The following GPC5 variants were observed in gnomAD, a reference collection of about 807,000 sequenced individuals.
The protein encoded by GPC5 is glypican 5, also known as glypican-5.
Under a neutral mutation model 53.9 loss-of-function variants are expected in GPC5, and 47 were observed. The ratio of observed to expected loss-of-function variants is 0.87; its 90% CI spans 0.69 to 1.11. GPC5 has a LOEUF of 1.11. Among genes scored for constraint, GPC5 ranks in the 50% most tolerant of loss-of-function variants. The pLI is 0.00. For missense variants in GPC5, 748 were observed against 713.1 expected (o/e 1.05, Z -0.56); for synonymous variants, 286 against 263.3 (o/e 1.09, Z -0.84).
At chr13:91,405,767 C>T (rs557540536) in intron 1 of GPC5, among the ~76,000 whole-genome samples, 9 of 152,188 alleles carry the variant, frequency 5.9e-5, no homozygotes, top group African/African-American at 2.2e-4. Context: ...CTCTTGTCAA[C>T]CTATTGAAAT....
chr13:92,504,356 G>T (rs951400693), intron 7 of GPC5, among the ~76,000 whole-genome samples: 13 of 151,900 alleles, frequency 8.6e-5, no homozygotes, highest in African/African-American at 3.1e-4. Context: ...TAAACAAATG[G>T]AGAGTTATCA....
chr13:92,529,734 A>G (rs1016233745), intron 7 of GPC5, among the ~76,000 whole-genome samples: 1 of 152,204 alleles, frequency 6.6e-6, no homozygotes, highest in Non-Finnish European at 1.5e-5. Flanking sequence ...AAATATTAAG[A>G]AAAATTATGA....
intron 6 of GPC5, among the ~76,000 whole-genome samples, chr13:92,114,794 A>G (rs1468613146): frequency 6.6e-6 from 1 of 152,204 alleles, no homozygotes; most frequent in Non-Finnish European, 1.5e-5. Flanking sequence ...TACATAAGCT[A>G]ACCAGGTTTC....
At chr13:91,609,877 T>G (rs2033494833) in intron 2 of GPC5, among the ~76,000 whole-genome samples, 1 of 152,218 alleles carries the variant, frequency 6.6e-6, no homozygotes, top group Non-Finnish European at 1.5e-5. Context: ...ACATTATCAG[T>G]ACATTCGGCC....
intron 7 of GPC5, among the ~76,000 whole-genome samples, chr13:92,312,488 T>TC (rs903031579): frequency 6.6e-5 from 10 of 152,224 alleles, no homozygotes; most frequent in Non-Finnish European, 1.3e-4. Context: ...AAGGCATTTA[T>TC]TTTCATTTCA....
At chr13:91,928,592 G>T (rs2039791846) in intron 6 of GPC5, among the ~76,000 whole-genome samples, 1 of 152,086 alleles carries the variant, frequency 6.6e-6, no homozygotes, top group Non-Finnish European at 1.5e-5. Flanking sequence ...GCTTAACTGT[G>T]CCCAGGGCTT....
intron 6 of GPC5, among the ~76,000 whole-genome samples, chr13:92,141,979 C>T (rs2041834925): frequency 6.6e-6 from 1 of 152,120 alleles, no homozygotes; most frequent in Admixed American, 6.6e-5. Context: ...GCATGGGCCC[C>T]TGCATGCAAG....
intron 6 of GPC5, among the ~76,000 whole-genome samples, chr13:91,914,671 A>ATATATATATATATATAT (rs1566339195): frequency 6.7e-6 from 1 of 149,348 alleles, no homozygotes. Flanking sequence ...TTCTTAGGAT[A>ATATATATATATATATAT]CCGATATAAT....
At chr13:92,529,886 C>A (rs1881492718) in intron 7 of GPC5, among the ~76,000 whole-genome samples, 1 of 151,902 alleles carries the variant, frequency 6.6e-6, no homozygotes, top group East Asian at 1.9e-4. Flanking sequence ...AGTTCAAGAC[C>A]AACCTGGGCA....
At position 92,057,094 on chromosome 13, in the gene GPC5, A is replaced by C. The variant is rs531167269; in HGVS notation, c.1402-87736A>C. On this transcript the variant is annotated intron_variant, in intron 6 of 7. Transcript: ENST00000377067. ...CTGGCTTTATGACTGGCTTTTTCAAATAAAATGGAGTGCAATAGAAATGAT... is the reference window on the plus strand; with the variant it reads ...CTGGCTTTATGACTGGCTTTTTCAACTAAAATGGAGTGCAATAGAAATGAT... 3.9e-5 allele frequency among the ~76,000 whole-genome samples: 6 copies of C among 152,268 alleles called. No homozygotes were observed. The East Asian group carries it at 1.2e-3, about 29-fold the overall frequency.
At chr13:92,315,738 A>C (rs1297822527) in intron 7 of GPC5, among the ~76,000 whole-genome samples, 5 of 152,246 alleles carry the variant, frequency 3.3e-5, no homozygotes, top group Non-Finnish European at 7.3e-5. Flanking sequence ...GATTGGAAAA[A>C]TAATTAGTAA....
chr13:92,734,106 A>G (rs1294638776), intron 7 of GPC5, among the ~76,000 whole-genome samples: 1 of 151,860 alleles, frequency 6.6e-6, no homozygotes, highest in African/African-American at 2.4e-5. Flanking sequence ...GCCTGTGGTC[A>G]GCATATACCA....
chr13:92,811,641 C>A (rs1001227798), intron 7 of GPC5, among the ~76,000 whole-genome samples: 6 of 151,640 alleles, frequency 4.0e-5, no homozygotes, highest in Non-Finnish European at 8.8e-5. Context: ...ATTACTTTTT[C>A]TTTTCTGTGC....
At chr13:91,695,914 C>T (rs2035870652) in intron 3 of GPC5, among the ~76,000 whole-genome samples, 1 of 152,120 alleles carries the variant, frequency 6.6e-6, no homozygotes, top group Admixed American at 6.5e-5. Flanking sequence ...TCTGTGTTTC[C>T]TATTTCAAAG....
intron 7 of GPC5, among the ~76,000 whole-genome samples, chr13:92,308,898 A>G (rs7327328): frequency 0.35 from 53,882 of 151,846 alleles, 9,794 homozygotes; most frequent in Middle Eastern, 0.5. Context: ...TATATTGGAT[A>G]CATTCAAGCA....
At chr13:92,844,536 A>ATG (rs36093777) in intron 7 of GPC5, among the ~76,000 whole-genome samples, 8,239 of 149,702 alleles carry the variant, frequency 0.055, 602 homozygotes, top group East Asian at 0.33. Flanking sequence ...TACAGGAAAA[A>ATG]TGTGTGTGTG....
At chr13:91,893,548 C>T (rs1338446202) in intron 5 of GPC5, among the ~76,000 whole-genome samples, 1 of 152,024 alleles carries the variant, frequency 6.6e-6, no homozygotes, top group Admixed American at 6.6e-5. Context: ...CACATACATA[C>T]ACAACTAAAG....
At chr13:91,733,081 A>C (rs181590017) in intron 4 of GPC5, among the ~76,000 whole-genome samples, 1 of 152,242 alleles carries the variant, frequency 6.6e-6, no homozygotes, top group Non-Finnish European at 1.5e-5. Context: ...GTTTGATGGG[A>C]ATAACATTAA....
At chr13:91,828,041 G>C (rs774359054) in intron 5 of GPC5, among the ~76,000 whole-genome samples, 15 of 152,026 alleles carry the variant, frequency 9.9e-5, no homozygotes, top group Non-Finnish European at 1.9e-4. Flanking sequence ...CAACATGGCT[G>C]AATAGCAAAA....
Sources: allele counts gnomAD v4.1 joint callset (sites outside exome capture counted in the v4.1 genomes callset), GRCh38; gene constraint gnomAD v4.1.1; transcripts MANE v1.5; gene names NCBI Gene and HGNC (gene_info 2026-07-23, HGNC 2026-07-21).